DMD: variants seen among roughly 807,000 people sequenced by gnomAD.
The protein encoded by DMD is dystrophin.
A neutral mutation model predicts 330.1 loss-of-function variants in DMD; 63 were observed. That is an observed-to-expected ratio of 0.19 (90% confidence interval 0.16 to 0.24). DMD has a LOEUF of 0.24. Ranked by LOEUF, DMD falls within the 10% of genes least tolerant of loss-of-function variation. DMD has a pLI of 1.00. For synonymous variants in DMD, 1,223 were observed against 959.8 expected (o/e 1.27, Z -5.07); for missense variants, 3,344 against 2,684.1 (o/e 1.25, Z -5.43).
intron 62 of DMD, among the ~76,000 whole-genome samples, chrX:31,266,115 C>G (rs1444390524): frequency 1.2e-5 from 1 of 83,213 alleles, no homozygotes; most frequent in Non-Finnish European, 2.1e-5. Context: ...TGGAGAAATG[C>G]GAGAGAACAC....
At chrX:32,040,944 T>C (rs2095996770) in intron 44 of DMD, among the ~76,000 whole-genome samples, 1 of 111,174 alleles carries the variant, frequency 9.0e-6, no homozygotes, top group Admixed American at 9.6e-5. Flanking sequence ...TAACAATGTA[T>C]ACAGACACAT....
chrX:32,721,855 A>G lies in DMD; in HGVS notation c.650-22562T>C, dbSNP rs1484927134. On this transcript the variant is annotated intron_variant, in intron 7 of 78. Coordinates refer to ENST00000357033, the MANE Select transcript of DMD (RefSeq NM_004006.3). ...TTAAGTCTTTAGTCCATTTTCACTT[A>G]ATTTTTGTGTACAGTATAAGACAAG... Among the ~76,000 whole-genome samples the G allele has an allele frequency of 3.7e-5, 4 of 108,875 alleles. No individual in the cohort carries two copies. The South Asian group carries it at 1.6e-3, about 44-fold the overall frequency. 94.5% of individuals were successfully genotyped at this position (108,875 alleles called of 115,157 possible). A position where few individuals can be genotyped will look rare whatever the true frequency, so the allele number is the denominator to read the frequency against.
intron 52 of DMD, among the ~76,000 whole-genome samples, chrX:31,714,121 TA>T (rs2084848760): frequency 1.8e-5 from 2 of 111,666 alleles, no homozygotes; most frequent in African/African-American, 6.5e-5. Context: ...TTTGCTGCCA[TA>T]AGCTTGAAGG....
intron 77 of DMD, among the ~76,000 whole-genome samples, chrX:31,131,167 G>A (rs1158767751): frequency 2.7e-5 from 3 of 111,497 alleles, no homozygotes; most frequent in South Asian, 3.8e-4. Flanking sequence ...AAACTTCCAC[G>A]GCAAAAATCT....
chrX:31,816,794 T>TCTCTCACACACACACACACACA (rs1556914952), intron 50 of DMD, among the ~76,000 whole-genome samples: 5 of 85,344 alleles, frequency 5.9e-5, no homozygotes, highest in Admixed American at 1.4e-4. Context: ...CAAGATTCTG[T>TCTCTCACACACACACACACACA]CACACACACA....
At chrX:32,962,024 A>G (rs2091919494) in intron 2 of DMD, among the ~76,000 whole-genome samples, 1 of 112,031 alleles carries the variant, frequency 8.9e-6, no homozygotes, top group Non-Finnish European at 1.9e-5. Context: ...CAATAATAGA[A>G]TATTATACTT....
chrX:32,831,576 G>A (rs1352620809), intron 4 of DMD, among the ~76,000 whole-genome samples: 1 of 109,160 alleles, frequency 9.2e-6, no homozygotes, highest in Admixed American at 9.9e-5. Flanking sequence ...GAAGTTCTTA[G>A]GGCAGAGCAG....
chrX:32,739,799 A>G (rs1311976695), intron 7 of DMD, among the ~76,000 whole-genome samples: 1 of 110,711 alleles, frequency 9.0e-6, no homozygotes, highest in Non-Finnish European at 1.9e-5. Flanking sequence ...ATCAACAGCA[A>G]CTGGGAATTT....
chrX:31,195,602 A>G (rs1331178507), intron 67 of DMD, among the ~76,000 whole-genome samples: 2 of 110,496 alleles, frequency 1.8e-5, no homozygotes, highest in Non-Finnish European at 3.8e-5. Flanking sequence ...AAAAGGCAAA[A>G]TTACAGGAAC....
intron 1 of DMD, among the ~76,000 whole-genome samples, chrX:33,031,588 C>A (rs894253173): frequency 2.7e-5 from 3 of 110,674 alleles, no homozygotes; most frequent in Non-Finnish European, 5.7e-5. Flanking sequence ...CTGATCAACG[C>A]AGTGAAGCCC....
chrX:31,395,019 A>C (rs1348545134), intron 60 of DMD, among the ~76,000 whole-genome samples: 1 of 105,852 alleles, frequency 9.4e-6, no homozygotes, highest in African/African-American at 3.6e-5. Flanking sequence ...TCATCCTTCT[A>C]CTAACTGCCT....
At chrX:33,010,120 G>T (rs187236649) in intron 2 of DMD, among the ~76,000 whole-genome samples, 1 of 90,784 alleles carries the variant, frequency 1.1e-5, no homozygotes, top group Non-Finnish European at 2.0e-5. Context: ...ATGTGCACAT[G>T]TGTGTATATA....
At chrX:31,679,629 T>A (rs771419759) in intron 52 of DMD, 43 bp from the exon 53 acceptor site, 2 of 1,065,411 alleles carry the variant, frequency 1.9e-6, no homozygotes, top group Non-Finnish European at 2.6e-6. Flanking sequence ...TAAATGCTAG[T>A]CTGGAGGAGA....
rs189244187 is a variant in DMD at position 31,513,887 on chromosome X, G to A, written c.8218-6434C>T. ...ATATAAGATAATGAAACTACTGTAA[G>A]GTTAACTAAAAATGCCCAGGTTCAC... is the stretch of plus-strand genomic sequence containing the variant. On this transcript the variant is annotated intron_variant, in intron 55 of 78. Coordinates refer to ENST00000357033, the MANE Select transcript of DMD (RefSeq NM_004006.3). Among the ~76,000 whole-genome samples the A allele has an allele frequency of 7.2e-5, 8 of 111,619 alleles. No individual in the cohort carries two copies. The East Asian group carries it at 2.0e-3, about 28-fold the overall frequency.
chrX:31,349,145 T>C (rs1406943256), intron 60 of DMD, among the ~76,000 whole-genome samples: 1 of 112,753 alleles, frequency 8.9e-6, no homozygotes, highest in African/African-American at 3.2e-5. Context: ...AGTGGTTGAT[T>C]AATATTTAAT....
At chrX:32,894,148 G>T (rs970357994) in intron 2 of DMD, among the ~76,000 whole-genome samples, 1 of 112,042 alleles carries the variant, frequency 8.9e-6, no homozygotes, top group African/African-American at 3.2e-5. Context: ...TGGAGGTAAT[G>T]ATTATTACTT....
chrX:33,319,259 AT>A (rs1459478013), intron 1 of DMD, among the ~76,000 whole-genome samples: 4 of 110,619 alleles, frequency 3.6e-5, no homozygotes, highest in Non-Finnish European at 7.6e-5. Flanking sequence ...TTTATTATTT[AT>A]TTTTTTTTAT....
chrX:32,875,814 C>T (rs751921287), intron 2 of DMD, among the ~76,000 whole-genome samples: 4 of 112,003 alleles, frequency 3.6e-5, no homozygotes, highest in South Asian at 7.4e-4. Context: ...TGTGACTTCT[C>T]CTAACACTTC....
chrX:31,885,401 G>A (rs918845770), intron 47 of DMD, among the ~76,000 whole-genome samples: 8 of 110,097 alleles, frequency 7.3e-5, no homozygotes, highest in Non-Finnish European at 1.5e-4. Flanking sequence ...ATAAGGTCAG[G>A]AGATCGAGAC....
Sources: gnomAD v4.1 joint callset for allele counts (sites outside exome capture counted in the v4.1 genomes callset) on GRCh38, gnomAD v4.1.1 for gene constraint, MANE v1.5 for transcripts, NCBI Gene and HGNC (gene_info 2026-07-23, HGNC 2026-07-21) for gene names.